ACBD5: variants seen among roughly 807,000 people sequenced by gnomAD.
The protein encoded by ACBD5 is acyl-CoA binding domain containing 5.
A neutral mutation model predicts 71.8 loss-of-function variants in ACBD5; 40 were observed. That is an observed-to-expected ratio of 0.56 (90% CI 0.43 to 0.72). ACBD5 has a LOEUF of 0.72. Among genes scored for constraint, ACBD5 ranks in the 30% least tolerant of loss-of-function variants. ACBD5 has a pLI of 0.00. For synonymous variants in ACBD5, 229 were observed against 218.6 expected, an observed-to-expected ratio of 1.05 and a Z score of -0.42; for missense variants, 559 against 644.5, an observed-to-expected ratio of 0.87 and a Z score of 1.44.
At chr10:27,207,363 A>C (rs1490575924) in intron 10 of ACBD5, among the ~76,000 whole-genome samples, 3 of 152,126 alleles carry the variant, frequency 2.0e-5, no homozygotes, top group Middle Eastern at 3.2e-3. Flanking sequence ...AAAACATGAT[A>C]GCTTGAGTAA....
At chr10:27,217,450 C>A in intron 7 of ACBD5, among the ~76,000 whole-genome samples, 1 of 126,572 alleles carries the variant, frequency 7.9e-6, no homozygotes, top group African/African-American at 3.0e-5. Context: ...AGCGAGACAC[C>A]ATCTCAAAAA....
Position 27,195,221 on chromosome 10 carries a change from T to C in ACBD5, c.*2209A>G, listed in dbSNP as rs1316847391. 2.5e-5 allele frequency: 10 copies of C among 397,392 alleles called. No individual in the cohort carries two copies. The highest frequency in any genetic ancestry group is 4.8e-5 in the Non-Finnish European group (10 of 206,388). 24.6% of individuals were successfully genotyped at this position (397,392 alleles called of 1,614,324 possible). A position where few individuals can be genotyped will look rare whatever the true frequency, so the allele number is the denominator to read the frequency against. On this transcript the variant is annotated 3_prime_UTR_variant, in exon 13 of 13. Transcript: ENST00000396271. The stretch of plus-strand genomic sequence containing the variant: ...CAAGTAATAAAAGCCATATCATTTC[T>C]CATTAACCTTTTATTTTTAACTTAG...
At chr10:27,228,269 T>C (rs375526832) in intron 4 of ACBD5, among the ~76,000 whole-genome samples, 1 of 17,794 alleles carries the variant, frequency 5.6e-5, no homozygotes, top group African/African-American at 1.3e-4. Context: ...CCTAAATTTG[T>C]ACAAAAAAAA....
intron 5 of ACBD5, 82 bp downstream of exon 5, chr10:27,223,256 A>T: frequency 9.4e-7 from 1 of 1,068,590 alleles, no homozygotes. Context: ...CGTGAAAGTA[A>T]GAAAAAAAAT....
chr10:27,206,478 G>C (rs2060479227), intron 10 of ACBD5, among the ~76,000 whole-genome samples: 1 of 151,950 alleles, frequency 6.6e-6, no homozygotes, highest in Non-Finnish European at 1.5e-5. Flanking sequence ...TTAGCCAGAT[G>C]TGGTGGTGTG....
rs769159014 is a variant in ACBD5, at chr10:27,223,360, G to A, written c.468C>T (p.Gly156=). 6 of 1,613,532 alleles carry A rather than the reference G, an allele frequency of 3.7e-6. No individual in the cohort carries two copies. Among genetic ancestry groups the A allele is most frequent in the Non-Finnish European group, 5.1e-6 (6 of 1,179,676 alleles). The change falls in exon 5 of 13, where the codon GGC becomes GGT. Residue 156 remains glycine (G), a synonymous_variant. Coordinates refer to ENST00000396271, the MANE Select transcript of ACBD5 (RefSeq NM_145698.5). ...FYEIVEDKKS[G]RSSDITSDLG... is the part of the protein sequence containing the mutation. ...AACCTGAGGTTATATCAGAACTCCT[G>A]CCACTCTTTTTGTCCTCGACAATTT...
chr10:27,189,704 A>G (rs987803257), intron 13 of ACBD5, among the ~76,000 whole-genome samples: 1 of 151,622 alleles, frequency 6.6e-6, no homozygotes, highest in African/African-American at 2.4e-5. Flanking sequence ...AACATGGCAC[A>G]TGTATACATA....
chr10:27,216,873 A>G (rs112526976), intron 7 of ACBD5, among the ~76,000 whole-genome samples: 10,574 of 151,660 alleles, frequency 0.07, 686 homozygotes, highest in African/African-American at 0.17. Context: ...TTGGCCGGGC[A>G]CTGTGGCTCA....
At chr10:27,194,239 G>A (rs1238316351), downstream of ACBD5, among the ~76,000 whole-genome samples, 13 of 139,628 alleles carry the variant, frequency 9.3e-5, no homozygotes, top group East Asian at 6.4e-4. Flanking sequence ...CAACCAGAGC[G>A]AAACTCCGTC....
At chr10:27,221,023 T>C (rs1371614039) in intron 5 of ACBD5, among the ~76,000 whole-genome samples, 1 of 152,220 alleles carries the variant, frequency 6.6e-6, no homozygotes, top group Admixed American at 6.6e-5. Flanking sequence ...CAAATGTACG[T>C]GGTTATTCTC....
intron 8 of ACBD5, among the ~76,000 whole-genome samples, chr10:27,213,820 T>C (rs1174671760): frequency 6.6e-6 from 1 of 151,924 alleles, no homozygotes; most frequent in African/African-American, 2.4e-5. Flanking sequence ...CTGCTGGCTG[T>C]ATACCCAAAA....
Position 27,240,752 on chromosome 10 carries a change from G to A in ACBD5, c.-64C>T. 6.5e-7 allele frequency: 1 copy of A among 1,549,640 alleles called. No individual in the cohort carries two copies. Among genetic ancestry groups the A allele is most frequent in the Non-Finnish European group, 8.7e-7 (1 of 1,146,588 alleles). The stretch of plus-strand genomic sequence containing the variant: ...CGCGGAGCCGCTCTCCCACCCTGGG[G>A]ACCCTGGCGGAGCAGCCACACCCCC... On this transcript the variant is annotated 5_prime_UTR_variant, in exon 1 of 13. Transcript: ENST00000396271. The surrounding 1 kb of genome is among the most constrained non-coding windows in gnomAD (Gnocchi z 4.1).
intron 12 of ACBD5, among the ~76,000 whole-genome samples, chr10:27,201,329 A>C (rs2059909128): frequency 6.6e-6 from 1 of 152,234 alleles, no homozygotes; most frequent in Non-Finnish European, 1.5e-5. Flanking sequence ...CTATTTCTGA[A>C]CAAGAAGTCT....
chr10:27,221,268 G>A (rs942772116), intron 5 of ACBD5, among the ~76,000 whole-genome samples: 1 of 152,166 alleles, frequency 6.6e-6, no homozygotes, highest in Admixed American at 6.6e-5. Flanking sequence ...AAAAGAGAAT[G>A]TGATTTTTGC....
Position 27,223,428 on chromosome 10 carries a change from C to T in ACBD5, c.400G>A (p.Glu134Lys). 2.5e-6 allele frequency: 4 copies of T among 1,613,272 alleles called. No individual in the cohort carries two copies. The highest frequency in any genetic ancestry group is 3.4e-6 in the Non-Finnish European group (4 of 1,179,802). Residue 134 changes from glutamate to lysine, a missense_variant, in exon 5 of 13, where the codon GAG (glutamate) becomes AAG (lysine). By Grantham distance (56) the Glu-to-Lys change is moderately conservative. Transcript: ENST00000396271. ...ACACGCAGCAATTCTTCAACTTTCT[C>T]AGTCATTGGCATAGTTTCAATAATC... Reference protein sequence around the residue: ...KKIIETMPMTEKVEELLRVIG... With the variant: ...KKIIETMPMTKKVEELLRVIG...
chr10:27,202,014 C>T (rs1370139007), intron 12 of ACBD5, among the ~76,000 whole-genome samples: 3 of 152,084 alleles, frequency 2.0e-5, no homozygotes, highest in Non-Finnish European at 4.4e-5. Context: ...ATAGGATGAT[C>T]CCTATTATGA....
At chr10:27,201,841 G>T (rs1489341050) in intron 12 of ACBD5, among the ~76,000 whole-genome samples, 1 of 152,124 alleles carries the variant, frequency 6.6e-6, no homozygotes, top group Non-Finnish European at 1.5e-5. Context: ...ACATATCCTA[G>T]TATGTCTGTG....
intron 7 of ACBD5, 108 bp from the exon 8 acceptor site, chr10:27,215,749 G>C: frequency 1.3e-6 from 1 of 784,802 alleles, no homozygotes; most frequent in Non-Finnish European, 2.1e-6. Flanking sequence ...GCCCAGGCTG[G>C]AGTGCAGTGG....
intron 7 of ACBD5, among the ~76,000 whole-genome samples, chr10:27,215,850 C>T (rs574460868): frequency 2.0e-5 from 3 of 151,326 alleles, no homozygotes; most frequent in African/African-American, 7.3e-5. Flanking sequence ...CAGGTGCCCA[C>T]CACCATGCCC....
Sources: allele counts gnomAD v4.1 joint callset (sites outside exome capture counted in the v4.1 genomes callset), GRCh38; gene constraint gnomAD v4.1.1; non-coding constraint Gnocchi (gnomAD v3.1); transcripts MANE v1.5; gene names NCBI Gene and HGNC (gene_info 2026-07-23, HGNC 2026-07-21).